Variants in SEMA6A observed in about 807,000 individuals in gnomAD.
SEMA6A encodes semaphorin-6A.
A neutral mutation model predicts 96.8 loss-of-function variants in SEMA6A; 25 were observed. The observed-to-expected ratio is 0.26, with a 90% CI of 0.19 to 0.36. The LOEUF is 0.36. Ranked by LOEUF, SEMA6A falls within the 10% of genes least tolerant of loss-of-function variation. The pLI, the probability that SEMA6A is intolerant of heterozygous loss-of-function variation, is 1.00. For synonymous variants in SEMA6A, 612 were observed against 518.0 expected, an observed-to-expected ratio of 1.18 and a Z score of -2.46; for missense variants, 1,363 against 1,323.1, an observed-to-expected ratio of 1.03 and a Z score of -0.47.
intron 16 of SEMA6A, among the ~76,000 whole-genome samples, chr5:116,474,817 A>G (rs190606740): frequency 3.5e-3 from 532 of 152,340 alleles, no homozygotes; most frequent in Non-Finnish European, 5.7e-3. Context: ...CAAACTAAAC[A>G]TATTTTCCAA....
intron 1 of SEMA6A, among the ~76,000 whole-genome samples, chr5:116,551,752 A>G (rs1760421108): frequency 6.6e-6 from 1 of 152,206 alleles, no homozygotes; most frequent in South Asian, 2.1e-4. Context: ...TTCAGATATA[A>G]TAGGTATCTC....
chr5:116,466,228 A>G (rs1308680788), intron 18 of SEMA6A, among the ~76,000 whole-genome samples: 1 of 151,582 alleles, frequency 6.6e-6, no homozygotes, highest in Admixed American at 6.6e-5. Flanking sequence ...AAATACAAAA[A>G]TTAGCCGGGC....
intron 10 of SEMA6A, chr5:116,486,544 T>A: frequency 1.9e-6 from 1 of 536,958 alleles, no homozygotes; most frequent in Non-Finnish European, 3.3e-6. Flanking sequence ...ATAATTTATC[T>A]AATTACTTCC....
chr5:116,466,983 T>G (rs921610716), intron 18 of SEMA6A, among the ~76,000 whole-genome samples: 2 of 152,214 alleles, frequency 1.3e-5, no homozygotes, highest in African/African-American at 4.8e-5. Flanking sequence ...TTTCATTTAG[T>G]GTGGCTTCCT....
intron 12 of SEMA6A, 120 bp from the exon 13 acceptor site, chr5:116,478,838 A>G (rs1756604090): frequency 1.1e-6 from 1 of 932,936 alleles, no homozygotes; most frequent in Non-Finnish European, 1.6e-6. Flanking sequence ...AAATATATGC[A>G]TATAAATAAT....
chr5:116,449,197 A>C, intron 18 of SEMA6A: 1 of 619,442 alleles, frequency 1.6e-6, no homozygotes, highest in Non-Finnish European at 2.9e-6. Context: ...AAAATCTCTA[A>C]TACCTCAATT....
At chr5:116,502,510 T>TCTG in intron 2 of SEMA6A, 183 bp from the exon 3 acceptor site, 1 of 541,448 alleles carries the variant, frequency 1.8e-6, no homozygotes, top group Non-Finnish European at 3.3e-6. Context: ...CTCCTTAAGG[T>TCTG]TCATCAAGTT....
chr5:116,503,989 G>A (rs773796118), intron 2 of SEMA6A, among the ~76,000 whole-genome samples: 1 of 152,166 alleles, frequency 6.6e-6, no homozygotes, highest in Non-Finnish European at 1.5e-5. Flanking sequence ...GACTCTAATT[G>A]TTTTGTGTGT....
At chr5:116,536,592 C>G (rs912415261) in intron 1 of SEMA6A, 3 of 152,080 alleles carry the variant, frequency 2.0e-5, no homozygotes, top group Non-Finnish European at 4.4e-5. Context: ...AATTGTGAAA[C>G]TAATGCTGGC....
intron 1 of SEMA6A, among the ~76,000 whole-genome samples, chr5:116,539,739 A>G (rs1030631139): frequency 1.3e-5 from 2 of 152,166 alleles, no homozygotes; most frequent in African/African-American, 4.8e-5. Context: ...CATTTCCATC[A>G]GTGGTGGAAA....
chr5:116,503,676 A>AT (rs972548371), intron 2 of SEMA6A, among the ~76,000 whole-genome samples: 54 of 151,076 alleles, frequency 3.6e-4, no homozygotes, highest in Admixed American at 7.3e-4. Context: ...TGCCCAGCTG[A>AT]TTTTTTTTTC....
intron 1 of SEMA6A, among the ~76,000 whole-genome samples, chr5:116,507,029 C>T (rs1190829858): frequency 6.6e-6 from 1 of 152,170 alleles, no homozygotes; most frequent in Non-Finnish European, 1.5e-5. Flanking sequence ...AAATTCTCAA[C>T]CCCAGAAGCT....
intron 1 of SEMA6A, among the ~76,000 whole-genome samples, chr5:116,528,011 A>T (rs982874388): frequency 6.6e-6 from 1 of 152,210 alleles, no homozygotes; most frequent in African/African-American, 2.4e-5. Flanking sequence ...TTTGCAAGAC[A>T]TAAGTTGCAG....
intron 1 of SEMA6A, among the ~76,000 whole-genome samples, chr5:116,519,877 T>C (rs951958156): frequency 3.3e-5 from 5 of 152,128 alleles, no homozygotes; most frequent in African/African-American, 1.2e-4. Flanking sequence ...CTCATGACAA[T>C]TGCTATCTAC....
intron 10 of SEMA6A, among the ~76,000 whole-genome samples, chr5:116,482,865 G>C (rs977640766): frequency 6.6e-6 from 1 of 152,164 alleles, no homozygotes; most frequent in African/African-American, 2.4e-5. Flanking sequence ...AAGAATTGTT[G>C]AGCTAGTGAT....
chr5:116,513,558 A>C (rs962099421), intron 1 of SEMA6A, among the ~76,000 whole-genome samples: 1 of 151,306 alleles, frequency 6.6e-6, no homozygotes, highest in Non-Finnish European at 1.5e-5. Flanking sequence ...ATGTCCCCAG[A>C]CTGTAATCAT....
chr5:116,525,696 AAG>A (rs1463845630), intron 1 of SEMA6A, among the ~76,000 whole-genome samples: 1 of 152,184 alleles, frequency 6.6e-6, no homozygotes, highest in East Asian at 1.9e-4. Flanking sequence ...CTTTGGGAAA[AAG>A]AGGGCACATT....
chr5:116,542,228 C>G, intron 1 of SEMA6A, among the ~76,000 whole-genome samples: 1 of 152,162 alleles, frequency 6.6e-6, no homozygotes, highest in East Asian at 1.9e-4. Flanking sequence ...ATGTGTCAGT[C>G]TGAGAATTGT....
In SEMA6A at chr5:116,444,340, G is replaced by C. The variant is rs532059668; in HGVS notation, c.*2273C>G. 2 of 151,832 alleles carry C rather than the reference G, an allele frequency of 1.3e-5. No individual in the cohort carries two copies. The highest frequency in any genetic ancestry group is 6.5e-5 in the Admixed American group (1 of 15,284). 9.4% of individuals were successfully genotyped at this position (151,832 alleles called of 1,614,324 possible). ...TCACCCACCCTCAGCTAAGTACTCAGGTCTGAAGGCAACCACACTGATTAT... is the reference window on the plus strand; with the variant it reads ...TCACCCACCCTCAGCTAAGTACTCACGTCTGAAGGCAACCACACTGATTAT... On this transcript the variant is annotated 3_prime_UTR_variant, in exon 19 of 19. Transcript: ENST00000343348.
Sources: allele counts gnomAD v4.1 joint callset (sites outside exome capture counted in the v4.1 genomes callset), GRCh38; gene constraint gnomAD v4.1.1; transcripts MANE v1.5; gene names NCBI Gene and HGNC (gene_info 2026-07-23, HGNC 2026-07-21).